CDH18: variants seen among roughly 807,000 people sequenced by gnomAD.
CDH18 encodes cadherin 18.
In CDH18, 31 loss-of-function variants were observed where a neutral mutation model predicts 67.9. The observed-to-expected ratio is 0.46, with a 90% CI of 0.34 to 0.62. The LOEUF (loss-of-function observed/expected upper bound fraction) is 0.62. CDH18 is among the 20% of genes least tolerant of loss of function. CDH18 has a pLI of 0.01. For missense variants in CDH18, 890 were observed against 975.5 expected, an observed-to-expected ratio of 0.91 and a Z score of 1.17; for synonymous variants, 362 against 347.2, an observed-to-expected ratio of 1.04 and a Z score of -0.48.
chr5:19,710,372 C>A (rs1310809163), intron 5 of CDH18, among the ~76,000 whole-genome samples: 1 of 151,992 alleles, frequency 6.6e-6, no homozygotes, highest in Non-Finnish European at 1.5e-5. Context: ...ATGCACTAAC[C>A]ATTATGGAAG....
intron 3 of CDH18, among the ~76,000 whole-genome samples, chr5:19,765,861 G>C (rs1047154378): frequency 7.0e-6 from 1 of 142,568 alleles, no homozygotes; most frequent in Non-Finnish European, 1.5e-5. Context: ...CATTAAAAAT[G>C]GAAATTTTAT....
chr5:20,205,049 A>T (rs11958580), intron 2 of CDH18, among the ~76,000 whole-genome samples: 11,901 of 152,012 alleles, frequency 0.078, 549 homozygotes, highest in East Asian at 0.14. Flanking sequence ...AATGGCAATA[A>T]CATGCCATTT....
chr5:19,780,779 G>T (rs1003644351), intron 3 of CDH18, among the ~76,000 whole-genome samples: 4 of 151,568 alleles, frequency 2.6e-5, no homozygotes, highest in African/African-American at 9.7e-5. Flanking sequence ...TTTGTATATG[G>T]CCACAATTTT....
At chr5:19,759,771 T>C (rs1772097116) in intron 3 of CDH18, among the ~76,000 whole-genome samples, 1 of 152,100 alleles carries the variant, frequency 6.6e-6, no homozygotes, top group Admixed American at 6.5e-5. Flanking sequence ...GGAAAAATAT[T>C]CACTCCATAA....
chr5:19,794,556 T>G (rs1201934388), intron 3 of CDH18, among the ~76,000 whole-genome samples: 2 of 152,090 alleles, frequency 1.3e-5, no homozygotes, highest in Non-Finnish European at 2.9e-5. Flanking sequence ...TTGATCCCTT[T>G]TTTTCTCTCC....
chr5:19,672,402 A>G (rs1447783097), intron 5 of CDH18, among the ~76,000 whole-genome samples: 1 of 152,166 alleles, frequency 6.6e-6, no homozygotes, highest in African/African-American at 2.4e-5. Context: ...TAAATTAACA[A>G]TAACAGTTTT....
chr5:20,155,138 A>G (rs1021524796), intron 2 of CDH18, among the ~76,000 whole-genome samples: 11 of 152,130 alleles, frequency 7.2e-5, no homozygotes, highest in Admixed American at 2.6e-4. Flanking sequence ...AACCATGTCT[A>G]TGGCCTCAGA....
At chr5:20,199,802 G>C (rs1739300719) in intron 2 of CDH18, among the ~76,000 whole-genome samples, 1 of 152,106 alleles carries the variant, frequency 6.6e-6, no homozygotes, top group Non-Finnish European at 1.5e-5. Flanking sequence ...TTTCTCCCAT[G>C]CTGTTCTTGT....
chr5:20,437,068 C>T (rs1749223133), intron 1 of CDH18, among the ~76,000 whole-genome samples: 1 of 148,678 alleles, frequency 6.7e-6, no homozygotes, highest in South Asian at 2.1e-4. Flanking sequence ...TAATTGCTAA[C>T]AAATTGTTAG....
Position 20,529,440 on chromosome 5 carries a change from G to T in CDH18, c.-580+46022C>A, listed in dbSNP as rs770982705. Reference sequence around the variant, plus strand: ...AACCTGGCAGAGATACAACAAAAAAGGAAAACTTTAGGCCAATATCCCTGA... The same window carrying T: ...AACCTGGCAGAGATACAACAAAAAATGAAAACTTTAGGCCAATATCCCTGA... On this transcript the variant is annotated intron_variant, in intron 1 of 14. Coordinates refer to the CDH18 transcript ENST00000507958. Among the ~76,000 whole-genome samples, 3 of 151,972 alleles carry T rather than the reference G, an allele frequency of 2.0e-5. No individual in the cohort carries two copies. The East Asian group carries it at 5.8e-4, about 30-fold the overall frequency.
intron 3 of CDH18, among the ~76,000 whole-genome samples, chr5:19,803,037 A>G (rs1777634149): frequency 6.6e-6 from 1 of 152,172 alleles, no homozygotes; most frequent in Non-Finnish European, 1.5e-5. Flanking sequence ...AAATCCATCC[A>G]AAAAGTCACT....
intron 1 of CDH18, among the ~76,000 whole-genome samples, chr5:20,532,898 T>C (rs1474920043): frequency 3.3e-5 from 5 of 151,882 alleles, no homozygotes; most frequent in Admixed American, 3.3e-4. Context: ...AAACTCTTTT[T>C]TTTTTTCACT....
At chr5:19,499,458 T>G (rs1343070160) in intron 11 of CDH18, among the ~76,000 whole-genome samples, 1 of 152,046 alleles carries the variant, frequency 6.6e-6, no homozygotes, top group Non-Finnish European at 1.5e-5. Context: ...AACATATATA[T>G]AGCTACATAT....
intron 1 of CDH18, among the ~76,000 whole-genome samples, chr5:20,522,175 C>G (rs2126524859): frequency 6.6e-6 from 1 of 152,006 alleles, no homozygotes; most frequent in Non-Finnish European, 1.5e-5. Flanking sequence ...AGCTGCAAGC[C>G]AAGAGGGATT....
intron 3 of CDH18, among the ~76,000 whole-genome samples, chr5:19,799,435 AACACACACACACACACACACAC>A (rs10545142): frequency 7.0e-6 from 1 of 143,718 alleles, no homozygotes; most frequent in African/African-American, 2.6e-5. Flanking sequence ...AAATATTCTC[AACACACACACACACACACACAC>A]ACACACACAC....
chr5:19,581,653 T>C (rs1399335901), intron 7 of CDH18, among the ~76,000 whole-genome samples: 1 of 152,074 alleles, frequency 6.6e-6, no homozygotes, highest in Non-Finnish European at 1.5e-5. Flanking sequence ...ATCCAGATTT[T>C]AGTTCCAAGA....
At chr5:19,595,815 A>G (rs1367674052) in intron 6 of CDH18, among the ~76,000 whole-genome samples, 1 of 152,246 alleles carries the variant, frequency 6.6e-6, no homozygotes, top group Non-Finnish European at 1.5e-5. Flanking sequence ...ACAGCAAAGT[A>G]AGAAAGACAT....
At chr5:20,334,283 G>A (rs1208182207) in intron 1 of CDH18, among the ~76,000 whole-genome samples, 1 of 150,894 alleles carries the variant, frequency 6.6e-6, no homozygotes, top group African/African-American at 2.4e-5. Flanking sequence ...ACAGGCGCCC[G>A]CCACCTCGCC....
chr5:20,529,368 C>A (rs1052535548), intron 1 of CDH18, among the ~76,000 whole-genome samples: 13 of 150,966 alleles, frequency 8.6e-5, no homozygotes, highest in Non-Finnish European at 1.9e-4. Flanking sequence ...TCCAAAGAAT[C>A]GAAAAGGGGA....
Sources: allele counts gnomAD v4.1 joint callset (sites outside exome capture counted in the v4.1 genomes callset), GRCh38; gene constraint gnomAD v4.1.1; transcripts MANE v1.5; gene names NCBI Gene and HGNC (gene_info 2026-07-23, HGNC 2026-07-21).